Variants in PAFAH1B1 observed in about 807,000 individuals in gnomAD.
PAFAH1B1 encodes the protein platelet-activating factor acetylhydrolase IB subunit beta.
A neutral mutation model predicts 57.5 loss-of-function variants in PAFAH1B1; 2 were observed. That is an observed-to-expected ratio of 0.03 (90% CI 0.01 to 0.11). PAFAH1B1 has a LOEUF of 0.11. Among genes scored for constraint, PAFAH1B1 ranks in the 10% least tolerant of loss-of-function variants. The pLI is 1.00. For missense variants in PAFAH1B1, 257 were observed against 512.0 expected (o/e 0.50, Z 4.81); for synonymous variants, 152 against 169.6 (o/e 0.90, Z 0.81).
At chr17:2,663,900 G>A (rs1191935868) in intron 2 of PAFAH1B1, among the ~76,000 whole-genome samples, 1 of 151,822 alleles carries the variant, frequency 6.6e-6, no homozygotes, top group Non-Finnish European at 1.5e-5. Context: ...TCACCATGTT[G>A]GCCAGGCTGG....
At chr17:2,646,825 A>G (rs1753960271) in intron 2 of PAFAH1B1, among the ~76,000 whole-genome samples, 2 of 152,178 alleles carry the variant, frequency 1.3e-5, no homozygotes, top group Non-Finnish European at 2.9e-5. Flanking sequence ...CCTAGATGCT[A>G]ATTTTTTCAA....
chr17:2,606,417 G>A (rs1404108541), intron 1 of PAFAH1B1, among the ~76,000 whole-genome samples: 1 of 151,860 alleles, frequency 6.6e-6, no homozygotes, highest in African/African-American at 2.4e-5. Context: ...CCAGGCTGGA[G>A]TGCAATGACG....
chr17:2,656,750 C>CT (rs1415521193), intron 2 of PAFAH1B1, among the ~76,000 whole-genome samples: 1 of 152,080 alleles, frequency 6.6e-6, no homozygotes, highest in Non-Finnish European at 1.5e-5. Flanking sequence ...AGTGGTCTTC[C>CT]TTTGTTTAGT....
Position 2,682,660 on chromosome 17 carries a change from C to G in PAFAH1B1, c.*858C>G, listed in dbSNP as rs1237124865. ...TCTCCCCATTGAGTGTGTCATGGTA[C>G]AAATCACTATTCGTTTTTGGTGTTT... On this transcript the variant is annotated 3_prime_UTR_variant, in exon 11 of 11. Coordinates refer to ENST00000397195, the MANE Select transcript of PAFAH1B1 (RefSeq NM_000430.4). The G allele has an allele frequency of 6.6e-6, 1 of 152,590 alleles. No individual in the cohort carries two copies. The highest frequency in any genetic ancestry group is 6.5e-5 in the Admixed American group (1 of 15,276). The allele number at this position is 152,590 out of a possible 1,614,324, so 9.5% of individuals were successfully genotyped here.
chr17:2,655,722 CAT>C lies in PAFAH1B1; in HGVS notation c.33-9649_33-9648del, dbSNP rs903963101. 1.1e-3 allele frequency among the ~76,000 whole-genome samples: 168 copies of C among 151,368 alleles called. 1 individual carries two copies. Among genetic ancestry groups the C allele is most frequent in the Admixed American group, 4.9e-3 (74 of 15,164 alleles). On this transcript the variant is annotated intron_variant, in intron 2 of 10. Coordinates refer to ENST00000397195, the MANE Select transcript of PAFAH1B1 (RefSeq NM_000430.4). Reference sequence around the variant, plus strand: ...CGTGTGACGACAGGGTGTTCACACACATGTGTAAGATGTACCACCCTCCAGCC... The same window carrying C: ...CGTGTGACGACAGGGTGTTCACACACGTGTAAGATGTACCACCCTCCAGCC...
intron 1 of PAFAH1B1, among the ~76,000 whole-genome samples, chr17:2,616,165 G>T (rs928913585): frequency 1.3e-5 from 2 of 152,176 alleles, no homozygotes; most frequent in Non-Finnish European, 2.9e-5. Context: ...AATTTGCTTG[G>T]AGGGTACCCA....
intron 1 of PAFAH1B1, among the ~76,000 whole-genome samples, chr17:2,602,798 C>T (rs1406800112): frequency 6.6e-6 from 1 of 152,192 alleles, no homozygotes; most frequent in Non-Finnish European, 1.5e-5. Context: ...AAGTGCTTTA[C>T]AAGTATTCGT....
chr17:2,642,805 T>C lies in PAFAH1B1; in HGVS notation c.32+4485T>C, dbSNP rs533701592. Among the ~76,000 whole-genome samples, 129 of 152,306 alleles carry C rather than the reference T, an allele frequency of 8.5e-4. 2 individuals are homozygous for C. Among genetic ancestry groups the C allele is most frequent in the African/African-American group, 3.0e-3 (125 of 41,572 alleles). On this transcript the variant is annotated intron_variant, in intron 2 of 10. Transcript: ENST00000397195. ...GTTTTCCCTCTTTGCATGATGGTATTACTCATTTGAAATATAGTTGGGTTC... is the reference window on the plus strand; with the variant it reads ...GTTTTCCCTCTTTGCATGATGGTATCACTCATTTGAAATATAGTTGGGTTC...
intron 1 of PAFAH1B1, among the ~76,000 whole-genome samples, chr17:2,610,672 G>A (rs931821544): frequency 2.6e-5 from 4 of 152,312 alleles, no homozygotes; most frequent in African/African-American, 7.2e-5. Flanking sequence ...GAAAGCTTAC[G>A]AATTTGTGTT....
Position 2,638,331 on chromosome 17 carries a change from T to G in PAFAH1B1, c.32+11T>G. ...ACAACGAGATGAACTGTAAGTTTCT[T>G]TGTTTTGTGCTTTAAAAAAAATCTC... On this transcript the variant is annotated intron_variant, in intron 2 of 10. Coordinates refer to ENST00000397195, the MANE Select transcript of PAFAH1B1 (RefSeq NM_000430.4). The G allele has an allele frequency of 6.2e-7, 1 of 1,611,958 alleles. No homozygotes were observed. The highest frequency in any genetic ancestry group is 8.5e-7 in the Non-Finnish European group (1 of 1,178,528).
chr17:2,680,345 G>A (rs1207911795), intron 10 of PAFAH1B1, 25 bp downstream of exon 10: 2 of 1,609,292 alleles, frequency 1.2e-6, no homozygotes, highest in African/African-American at 2.7e-5. Context: ...CGAGGTCTCT[G>A]AACATTAGAT....
intron 2 of PAFAH1B1, among the ~76,000 whole-genome samples, chr17:2,642,997 G>A (rs747562740): frequency 6.6e-6 from 1 of 152,066 alleles, no homozygotes; most frequent in Non-Finnish European, 1.5e-5. Context: ...AGGGAACCAA[G>A]CTTATTGTTT....
chr17:2,609,928 A>C (rs1161963941), intron 1 of PAFAH1B1, among the ~76,000 whole-genome samples: 3 of 150,486 alleles, frequency 2.0e-5, no homozygotes. Context: ...GGGTTCAAAC[A>C]ATTCTTGTGC....
At chr17:2,654,645 TTTTG>T (rs1165507150) in intron 2 of PAFAH1B1, among the ~76,000 whole-genome samples, 2 of 151,982 alleles carry the variant, frequency 1.3e-5, no homozygotes, top group South Asian at 2.1e-4. Flanking sequence ...TTGTGTTAGT[TTTTG>T]TTTGTTTTTT....
chr17:2,650,166 G>A (rs1187459799), intron 2 of PAFAH1B1, among the ~76,000 whole-genome samples: 3 of 152,040 alleles, frequency 2.0e-5, no homozygotes, highest in African/African-American at 4.8e-5. Context: ...GTTTGAGATC[G>A]GCCTGGGCAA....
At chr17:2,601,650 C>G (rs1432208723) in intron 1 of PAFAH1B1, among the ~76,000 whole-genome samples, 1 of 152,220 alleles carries the variant, frequency 6.6e-6, no homozygotes, top group Non-Finnish European at 1.5e-5. Flanking sequence ...CCATGTTGGT[C>G]AGGCAGGCCT....
chr17:2,685,145 A>G lies in PAFAH1B1; in HGVS notation c.*3343A>G, dbSNP rs1188451372. 1 of 120,422 alleles carries G rather than the reference A, an allele frequency of 8.3e-6. No individual in the cohort carries two copies. The highest frequency in any genetic ancestry group is 3.2e-5 in the African/African-American group (1 of 31,242). The allele number at this position is 120,422 out of a possible 1,614,324, so 7.5% of individuals were successfully genotyped here. A position where few individuals can be genotyped will look rare whatever the true frequency, so the allele number is the denominator to read the frequency against. On this transcript the variant is annotated 3_prime_UTR_variant, in exon 11 of 11. Coordinates refer to ENST00000397195, the MANE Select transcript of PAFAH1B1 (RefSeq NM_000430.4). ...CGACATGTAAAAAACTGGTGGAAAAAGGTTTTGGATTTTTTTTCCAGTGGG... is the reference window on the plus strand; with the variant it reads ...CGACATGTAAAAAACTGGTGGAAAAGGGTTTTGGATTTTTTTTCCAGTGGG...
At chr17:2,671,491 C>T (rs937123104) in intron 6 of PAFAH1B1, among the ~76,000 whole-genome samples, 4 of 151,002 alleles carry the variant, frequency 2.6e-5, no homozygotes, top group South Asian at 2.1e-4. Context: ...GCGTGAGCCA[C>T]GTAAGGTCTA....
intron 2 of PAFAH1B1, among the ~76,000 whole-genome samples, chr17:2,662,680 C>G (rs2069034275): frequency 6.6e-6 from 1 of 152,068 alleles, no homozygotes; most frequent in South Asian, 2.1e-4. Context: ...GCTGGAATTA[C>G]ATGCGTAGGC....
Sources: allele counts gnomAD v4.1 joint callset (sites outside exome capture counted in the v4.1 genomes callset), GRCh38; gene constraint gnomAD v4.1.1; transcripts MANE v1.5; gene names NCBI Gene and HGNC (gene_info 2026-07-23, HGNC 2026-07-21).